The following TNFSF4 variants were observed in gnomAD, a reference collection of about 807,000 sequenced individuals.
TNFSF4 encodes the protein TNF superfamily member 4.
Under a neutral mutation model 7.3 loss-of-function variants are expected in TNFSF4, and 4 were observed. The ratio of observed to expected loss-of-function variants is 0.55; its 90% CI spans 0.27 to 1.25. The LOEUF (loss-of-function observed/expected upper bound fraction) is 1.25. Ranked by LOEUF, TNFSF4 falls within the 50% of genes most tolerant of loss-of-function variation. The pLI, the probability that TNFSF4 is intolerant of heterozygous loss-of-function variation, is 0.12. For synonymous variants in TNFSF4, 76 were observed against 83.7 expected, an observed-to-expected ratio of 0.91 and a Z score of 0.50; for missense variants, 181 against 208.8, an observed-to-expected ratio of 0.87 and a Z score of 0.82.
At chr1:173,318,492 G>A in the TNFSF4 span, among the ~76,000 whole-genome samples, 1 of 152,268 alleles carries the variant, frequency 6.6e-6, no homozygotes, top group South Asian at 2.1e-4. Context: ...TTAAGGTCAA[G>A]GGAATGGGGG....
At chr1:173,217,025 C>G in the TNFSF4 span, among the ~76,000 whole-genome samples, 1 of 152,100 alleles carries the variant, frequency 6.6e-6, no homozygotes, top group South Asian at 2.1e-4. Flanking sequence ...CCCAAAAATC[C>G]CTCTCCCCAG....
At chr1:173,385,999 T>C in the TNFSF4 span, among the ~76,000 whole-genome samples, 1 of 152,130 alleles carries the variant, frequency 6.6e-6, no homozygotes. Context: ...TTAGTATGGG[T>C]GGACAGAAGT....
chr1:173,377,355 GCTCT>G, the TNFSF4 span, among the ~76,000 whole-genome samples: 1 of 152,150 alleles, frequency 6.6e-6, no homozygotes, highest in Admixed American at 6.5e-5. Context: ...CTGGAAAAGG[GCTCT>G]CTAACAACCC....
the TNFSF4 span, among the ~76,000 whole-genome samples, chr1:173,423,611 G>C: frequency 4.6e-5 from 7 of 152,212 alleles, no homozygotes; most frequent in East Asian, 3.8e-4. Flanking sequence ...CTTTGAGCCA[G>C]GTCTTGAAGA....
the TNFSF4 span, among the ~76,000 whole-genome samples, chr1:173,395,064 T>C: frequency 6.6e-6 from 1 of 151,404 alleles, no homozygotes; most frequent in African/African-American, 2.4e-5. Context: ...GATAGATAGA[T>C]AGATAGATAG....
chr1:173,323,168 G>C, the TNFSF4 span, among the ~76,000 whole-genome samples: 1 of 152,160 alleles, frequency 6.6e-6, no homozygotes, highest in Non-Finnish European at 1.5e-5. Context: ...CACACGGCCG[G>C]GTACTCCTCT....
At chr1:173,280,633 C>T in the TNFSF4 span, among the ~76,000 whole-genome samples, 45,241 of 151,924 alleles carry the variant, frequency 0.3, 7,323 homozygotes, top group Admixed American at 0.4. Flanking sequence ...GCTTTCTCTC[C>T]GGCCCTCATT....
the TNFSF4 span, among the ~76,000 whole-genome samples, chr1:173,300,986 C>T: frequency 1.3e-5 from 2 of 151,798 alleles, no homozygotes; most frequent in Admixed American, 6.6e-5. Context: ...CGAATGATAA[C>T]CATTCTTACA....
At chr1:173,222,915 C>T in the TNFSF4 span, among the ~76,000 whole-genome samples, 1 of 152,150 alleles carries the variant, frequency 6.6e-6, no homozygotes, top group Non-Finnish European at 1.5e-5. Flanking sequence ...CCCACTCTTA[C>T]CCCAGACAAA....
At chr1:173,240,653 C>T in the TNFSF4 span, among the ~76,000 whole-genome samples, 1 of 152,076 alleles carries the variant, frequency 6.6e-6, no homozygotes, top group Non-Finnish European at 1.5e-5. Flanking sequence ...TGGCTGAATA[C>T]CCTCATAAAC....
the TNFSF4 span, among the ~76,000 whole-genome samples, chr1:173,271,181 C>T: frequency 6.6e-6 from 1 of 152,074 alleles, no homozygotes; most frequent in Non-Finnish European, 1.5e-5. Context: ...GCTTTTGTTG[C>T]CATTGCTTTT....
chr1:173,374,467 C>T, the TNFSF4 span, among the ~76,000 whole-genome samples: 1 of 152,064 alleles, frequency 6.6e-6, no homozygotes, highest in Non-Finnish European at 1.5e-5. Flanking sequence ...TGGACACCCC[C>T]TGAGGAACCT....
chr1:173,445,573 C>T, the TNFSF4 span, among the ~76,000 whole-genome samples: 3 of 152,092 alleles, frequency 2.0e-5, no homozygotes, highest in Admixed American at 1.3e-4. Context: ...GAAAAGGGCT[C>T]CTGTGGTCCA....
chr1:173,405,112 G>A, the TNFSF4 span, among the ~76,000 whole-genome samples: 4 of 152,176 alleles, frequency 2.6e-5, no homozygotes, highest in East Asian at 7.7e-4. Flanking sequence ...AGAGATTTCT[G>A]TCTGTTTTGC....
the TNFSF4 span, among the ~76,000 whole-genome samples, chr1:173,215,407 T>C: frequency 6.6e-6 from 1 of 152,206 alleles, no homozygotes; most frequent in East Asian, 1.9e-4. Context: ...TCTTCTGTGA[T>C]AACATGAATT....
At chr1:173,369,814 G>A in the TNFSF4 span, among the ~76,000 whole-genome samples, 1 of 152,112 alleles carries the variant, frequency 6.6e-6, no homozygotes, top group African/African-American at 2.4e-5. Flanking sequence ...AAGGAAAATG[G>A]AGTGAAATAC....
the TNFSF4 span, among the ~76,000 whole-genome samples, chr1:173,216,328 A>G: frequency 0.028 from 4,292 of 152,150 alleles, 65 homozygotes; most frequent in Admixed American, 0.055. Context: ...AAAGCTTTCC[A>G]CTTACTCATC....
the TNFSF4 span, among the ~76,000 whole-genome samples, chr1:173,286,976 T>C: frequency 6.6e-6 from 1 of 152,090 alleles, no homozygotes; most frequent in Admixed American, 6.5e-5. Context: ...CTAATAAATA[T>C]ATTAAAATGT....
the TNFSF4 span, among the ~76,000 whole-genome samples, chr1:173,223,097 T>C: frequency 1.3e-5 from 2 of 152,236 alleles, no homozygotes; most frequent in Non-Finnish European, 2.9e-5. Context: ...TCAGCCATAA[T>C]GGAAGAATTA....
Sources: gnomAD v4.1 joint callset for allele counts (sites outside exome capture counted in the v4.1 genomes callset) on GRCh38, gnomAD v4.1.1 for gene constraint, MANE v1.5 for transcripts, NCBI Gene and HGNC (gene_info 2026-07-23, HGNC 2026-07-21) for gene names.